The following HMGA2 variants were observed in gnomAD, a reference collection of about 807,000 sequenced individuals.
The protein encoded by HMGA2 is high mobility group AT-hook 2, also known as high mobility group protein HMGI-C.
Under a neutral mutation model 19.1 loss-of-function variants are expected in HMGA2, and 8 were observed. That is an observed-to-expected ratio of 0.42 (90% CI 0.25 to 0.76). The LOEUF is 0.76. Among genes scored for constraint, HMGA2 ranks in the 30% least tolerant of loss-of-function variants. The pLI, the probability that HMGA2 is intolerant of heterozygous loss-of-function variation, is 0.28. For synonymous variants in HMGA2, 60 were observed against 48.8 expected (o/e 1.23, Z -0.96); for missense variants, 109 against 136.3 (o/e 0.80, Z 1.00).
chr12:65,868,134 A>G (rs1237360768), intron 3 of HMGA2, among the ~76,000 whole-genome samples: 2 of 152,210 alleles, frequency 1.3e-5, no homozygotes, highest in African/African-American at 4.8e-5. Flanking sequence ...TGTCCTCACT[A>G]AAGAGGAGAA....
intron 3 of HMGA2, among the ~76,000 whole-genome samples, chr12:65,940,341 T>G (rs1256875142): frequency 6.6e-6 from 1 of 152,186 alleles, no homozygotes; most frequent in Non-Finnish European, 1.5e-5. Context: ...TAAAACATCT[T>G]GAACTTTTTG....
chr12:65,962,831 T>C (rs558788675), intron 4 of HMGA2, among the ~76,000 whole-genome samples: 1 of 152,288 alleles, frequency 6.6e-6, no homozygotes, highest in African/African-American at 2.4e-5. Context: ...GGTTCATTTA[T>C]ACCTTAAGAA....
chr12:65,931,893 C>A (rs537173143), intron 3 of HMGA2, among the ~76,000 whole-genome samples: 1 of 151,910 alleles, frequency 6.6e-6, no homozygotes, highest in Admixed American at 6.6e-5. Flanking sequence ...CCAGCCTGGG[C>A]GATAGAGCAA....
At chr12:65,842,868 G>A in intron 3 of HMGA2, 2 of 1,301,404 alleles carry the variant, frequency 1.5e-6, no homozygotes, top group Non-Finnish European at 2.0e-6. Context: ...AAGTTTTAGA[G>A]AGTGGGGCTC....
At chr12:65,899,030 C>T (rs940923929) in intron 3 of HMGA2, among the ~76,000 whole-genome samples, 7 of 117,448 alleles carry the variant, frequency 6.0e-5, no homozygotes, top group South Asian at 2.7e-4. Flanking sequence ...GGCAACAGAG[C>T]GAGACTCCGT....
At chr12:65,960,315 C>G (rs1876717526) in intron 4 of HMGA2, among the ~76,000 whole-genome samples, 1 of 152,210 alleles carries the variant, frequency 6.6e-6, no homozygotes, top group Non-Finnish European at 1.5e-5. Flanking sequence ...TCACCTGTTT[C>G]TGTTCCCTCT....
chr12:65,871,913 C>A (rs1347338574), intron 3 of HMGA2, among the ~76,000 whole-genome samples: 2 of 152,152 alleles, frequency 1.3e-5, no homozygotes, highest in African/African-American at 2.4e-5. Flanking sequence ...AGAAAATAAC[C>A]AATTGCCTTC....
At chr12:65,832,194 G>T (rs960162349) in intron 2 of HMGA2, among the ~76,000 whole-genome samples, 2 of 151,882 alleles carry the variant, frequency 1.3e-5, no homozygotes, top group Admixed American at 6.6e-5. Flanking sequence ...CTTTCACTTT[G>T]CCAGGGAAGA....
At chr12:65,923,726 C>T (rs1875404086) in intron 3 of HMGA2, among the ~76,000 whole-genome samples, 1 of 152,166 alleles carries the variant, frequency 6.6e-6, no homozygotes, top group African/African-American at 2.4e-5. Context: ...GAAAGTCATT[C>T]TCGCCGGGTG....
intron 3 of HMGA2, among the ~76,000 whole-genome samples, chr12:65,890,502 A>G (rs1306497358): frequency 6.6e-6 from 1 of 152,192 alleles, no homozygotes; most frequent in East Asian, 1.9e-4. Context: ...ATATATTTCT[A>G]TAACGTTGCC....
intron 3 of HMGA2, among the ~76,000 whole-genome samples, chr12:65,923,203 G>A (rs1470161751): frequency 6.6e-6 from 1 of 151,808 alleles, no homozygotes; most frequent in East Asian, 1.9e-4. Context: ...GTAAACTTGG[G>A]CCCAATCAAG....
intron 3 of HMGA2, 40 bp from the exon 4 acceptor site, chr12:65,951,343 T>A: frequency 7.6e-7 from 1 of 1,319,722 alleles, no homozygotes; most frequent in Non-Finnish European, 1.0e-6. Flanking sequence ...CTATAATGTA[T>A]ATTTTCTTTT....
At chr12:65,920,095 A>G (rs757272083) in intron 3 of HMGA2, among the ~76,000 whole-genome samples, 2 of 152,234 alleles carry the variant, frequency 1.3e-5, no homozygotes, top group Non-Finnish European at 2.9e-5. Context: ...ATTTGAGTTT[A>G]CATAGTAACT....
chr12:65,838,115 GGAAA>G (rs1490509831), intron 2 of HMGA2, among the ~76,000 whole-genome samples: 2 of 152,002 alleles, frequency 1.3e-5, no homozygotes, highest in Non-Finnish European at 2.9e-5. Flanking sequence ...GTTGTGACAT[GGAAA>G]GAATCTTGAT....
intron 2 of HMGA2, among the ~76,000 whole-genome samples, chr12:65,835,826 T>A (rs1298232436): frequency 6.6e-6 from 1 of 152,132 alleles, no homozygotes; most frequent in African/African-American, 2.4e-5. Context: ...GTCAATAGGC[T>A]CCTTCTCCCA....
At chr12:65,850,018 C>T (rs1028209561) in intron 3 of HMGA2, among the ~76,000 whole-genome samples, 13 of 152,052 alleles carry the variant, frequency 8.5e-5, no homozygotes, top group Non-Finnish European at 4.4e-5. Flanking sequence ...TGTGCCTAGC[C>T]TCTATTTTTT....
intron 3 of HMGA2, among the ~76,000 whole-genome samples, chr12:65,878,061 C>G (rs1339297301): frequency 6.6e-6 from 1 of 152,126 alleles, no homozygotes; most frequent in Non-Finnish European, 1.5e-5. Flanking sequence ...AGTGTTCACA[C>G]TTTTGTGTTA....
At chr12:65,841,980 A>C (rs1871018637) in intron 3 of HMGA2, among the ~76,000 whole-genome samples, 1 of 151,260 alleles carries the variant, frequency 6.6e-6, no homozygotes, top group Non-Finnish European at 1.5e-5. Flanking sequence ...GTTTACTTTA[A>C]TTCCCTTCAT....
intron 3 of HMGA2, among the ~76,000 whole-genome samples, chr12:65,912,343 C>T (rs904583519): frequency 2.0e-5 from 3 of 152,068 alleles, no homozygotes; most frequent in Admixed American, 6.5e-5. Flanking sequence ...AAAAGTGTGA[C>T]CTCATCTATT....
Sources: allele counts gnomAD v4.1 joint callset (sites outside exome capture counted in the v4.1 genomes callset), GRCh38; gene constraint gnomAD v4.1.1; transcripts MANE v1.5; gene names NCBI Gene and HGNC (gene_info 2026-07-23, HGNC 2026-07-21).